Variants in HSD17B12 observed in about 807,000 individuals in gnomAD.
HSD17B12 encodes the protein very-long-chain 3-oxoacyl-CoA reductase.
Under a neutral mutation model 39.3 loss-of-function variants are expected in HSD17B12, and 32 were observed. The observed-to-expected ratio is 0.81, with a 90% confidence interval of 0.61 to 1.09. HSD17B12 has a LOEUF of 1.09. Among genes scored for constraint, HSD17B12 ranks in the 50% least tolerant of loss-of-function variants. The pLI, the probability that HSD17B12 is intolerant of heterozygous loss-of-function variation, is 0.00. For missense variants in HSD17B12, 342 were observed against 382.9 expected (o/e 0.89, Z 0.89); for synonymous variants, 150 against 146.7 (o/e 1.02, Z -0.16).
chr11:43,700,213 T>A (rs1184433489), intron 1 of HSD17B12, among the ~76,000 whole-genome samples: 5 of 152,016 alleles, frequency 3.3e-5, no homozygotes, highest in Middle Eastern at 3.2e-3. Context: ...TTATATATAT[T>A]TTTTTAATTT....
chr11:43,654,705 T>C, the HSD17B12 span, among the ~76,000 whole-genome samples: 3 of 152,184 alleles, frequency 2.0e-5, no homozygotes, highest in African/African-American at 4.8e-5. Flanking sequence ...CAGATGGTTG[T>C]AGATGTGTGG....
At chr11:43,565,683 T>A in the HSD17B12 span, among the ~76,000 whole-genome samples, 3 of 152,262 alleles carry the variant, frequency 2.0e-5, no homozygotes, top group Non-Finnish European at 4.4e-5. Context: ...TATAGCTCAT[T>A]CCCAAATCAT....
At chr11:43,609,075 C>T in the HSD17B12 span, among the ~76,000 whole-genome samples, 5 of 151,702 alleles carry the variant, frequency 3.3e-5, no homozygotes, top group Non-Finnish European at 5.9e-5. Context: ...ACAATAGGTG[C>T]GCACCACCAT....
chr11:43,763,652 T>TAG (rs1203888914), intron 3 of HSD17B12, among the ~76,000 whole-genome samples: 1 of 147,066 alleles, frequency 6.8e-6, no homozygotes. Flanking sequence ...GATATATATA[T>TAG]AGAGAGAGAG....
chr11:43,793,137 G>T (rs769761033), intron 3 of HSD17B12, among the ~76,000 whole-genome samples: 12 of 152,142 alleles, frequency 7.9e-5, no homozygotes, highest in Non-Finnish European at 1.5e-4. Flanking sequence ...TAGGAGCACA[G>T]CAGAGAGTGG....
the HSD17B12 span, among the ~76,000 whole-genome samples, chr11:43,643,966 G>A: frequency 6.6e-6 from 1 of 152,314 alleles, no homozygotes; most frequent in East Asian, 1.9e-4. Context: ...ATTAACAAAT[G>A]TTTCTCTGTC....
intron 1 of HSD17B12, among the ~76,000 whole-genome samples, chr11:43,706,661 TAGTC>T (rs149036232): frequency 0.017 from 2,563 of 150,468 alleles, 86 homozygotes; most frequent in African/African-American, 0.06. Flanking sequence ...TTCAGTAACT[TAGTC>T]AAGCTTTGCT....
chr11:43,652,562 A>G, the HSD17B12 span, among the ~76,000 whole-genome samples: 1 of 152,180 alleles, frequency 6.6e-6, no homozygotes, highest in African/African-American at 2.4e-5. Flanking sequence ...CCTCCAGAAC[A>G]TCTGACCAAC....
the HSD17B12 span, chr11:43,645,471 G>A: frequency 6.6e-6 from 1 of 152,186 alleles, no homozygotes. Flanking sequence ...AGGTACAACA[G>A]TGGTTTTGGA....
the HSD17B12 span, among the ~76,000 whole-genome samples, chr11:43,606,257 C>A: frequency 6.6e-6 from 1 of 152,340 alleles, no homozygotes; most frequent in South Asian, 2.1e-4. Flanking sequence ...TTTCCGCAGA[C>A]CAGGTGTTTT....
the HSD17B12 span, among the ~76,000 whole-genome samples, chr11:43,618,568 A>G: frequency 1.3e-5 from 2 of 152,188 alleles, no homozygotes; most frequent in African/African-American, 2.4e-5. Flanking sequence ...AGAGTCACCC[A>G]TGGTAATAAT....
chr11:43,652,920 A>G, the HSD17B12 span, among the ~76,000 whole-genome samples: 30 of 152,264 alleles, frequency 2.0e-4, no homozygotes, highest in South Asian at 5.4e-3. Context: ...ATTCATTACT[A>G]TTACTGAATG....
At chr11:43,677,676 G>A (rs1251700709), upstream of HSD17B12, among the ~76,000 whole-genome samples, 1 of 102,122 alleles carries the variant, frequency 9.8e-6, no homozygotes, top group African/African-American at 3.3e-5. Context: ...TCCCACCTAT[G>A]AGTGAGAACA....
At chr11:43,771,559 C>T (rs557981233) in intron 3 of HSD17B12, among the ~76,000 whole-genome samples, 37 of 150,858 alleles carry the variant, frequency 2.5e-4, no homozygotes, top group African/African-American at 8.3e-4. Context: ...CTCCACCTCC[C>T]GGGCTCAAGT....
chr11:43,779,708 T>G (rs1950745750), intron 3 of HSD17B12, among the ~76,000 whole-genome samples: 2 of 152,240 alleles, frequency 1.3e-5, no homozygotes, highest in South Asian at 4.1e-4. Flanking sequence ...TAACTTTCAG[T>G]CTTTGCCTTT....
At chr11:43,854,631 A>G in intron 9 of HSD17B12, 84 bp from the exon 10 acceptor site, 1 of 1,408,948 alleles carries the variant, frequency 7.1e-7, no homozygotes, top group Non-Finnish European at 9.8e-7. Flanking sequence ...TACCACTAAG[A>G]GCAGTCAAGC....
the HSD17B12 span, among the ~76,000 whole-genome samples, chr11:43,640,620 A>G: frequency 6.6e-6 from 1 of 152,024 alleles, no homozygotes; most frequent in Admixed American, 6.6e-5. Flanking sequence ...TAAAATAAGA[A>G]TTGTTACGTA....
intron 3 of HSD17B12, among the ~76,000 whole-genome samples, chr11:43,785,289 A>G (rs1417500741): frequency 3.3e-5 from 5 of 152,212 alleles, no homozygotes; most frequent in African/African-American, 1.2e-4. Flanking sequence ...CAACAAAACA[A>G]TATACAGCAT....
At chr11:43,629,181 G>A in the HSD17B12 span, among the ~76,000 whole-genome samples, 1 of 152,254 alleles carries the variant, frequency 6.6e-6, no homozygotes, top group East Asian at 1.9e-4. Flanking sequence ...CACAAACAGA[G>A]AGGAATATCA....
Sources: allele counts gnomAD v4.1 joint callset (sites outside exome capture counted in the v4.1 genomes callset), GRCh38; gene constraint gnomAD v4.1.1; transcripts MANE v1.5; gene names NCBI Gene and HGNC (gene_info 2026-07-23, HGNC 2026-07-21).